Variants in SLC39A11 observed in about 807,000 individuals in gnomAD.
SLC39A11 encodes the protein solute carrier family 39 member 11.
A neutral mutation model predicts 36.1 loss-of-function variants in SLC39A11; 33 were observed. That is an observed-to-expected ratio of 0.91 (90% CI 0.69 to 1.22). The LOEUF (loss-of-function observed/expected upper bound fraction) is 1.22. Among genes scored for constraint, SLC39A11 ranks in the 50% most tolerant of loss-of-function variants. The pLI is 0.00. For missense variants in SLC39A11, 432 were observed against 430.3 expected, an observed-to-expected ratio of 1.00 and a Z score of -0.03; for synonymous variants, 166 against 170.3, an observed-to-expected ratio of 0.97 and a Z score of 0.20.
At chr17:72,671,427 T>A (rs1272553482) in intron 7 of SLC39A11, among the ~76,000 whole-genome samples, 1 of 152,182 alleles carries the variant, frequency 6.6e-6, no homozygotes, top group Non-Finnish European at 1.5e-5. Flanking sequence ...CATACAAAAA[T>A]AGCTATATTT....
At chr17:72,846,582 C>T (rs1244671995) in intron 6 of SLC39A11, among the ~76,000 whole-genome samples, 1 of 152,228 alleles carries the variant, frequency 6.6e-6, no homozygotes, top group Non-Finnish European at 1.5e-5. Context: ...TCCTGGCCTT[C>T]CATTGGGATG....
At chr17:72,699,270 C>A (rs1426820033) in intron 7 of SLC39A11, among the ~76,000 whole-genome samples, 1 of 152,154 alleles carries the variant, frequency 6.6e-6, no homozygotes, top group African/African-American at 2.4e-5. Flanking sequence ...AGCTGATGAG[C>A]TAAAATAAAA....
chr17:72,660,415 C>G (rs1226613572), intron 7 of SLC39A11, among the ~76,000 whole-genome samples: 3 of 152,190 alleles, frequency 2.0e-5, no homozygotes, highest in Non-Finnish European at 4.4e-5. Flanking sequence ...GCAGCTTTCA[C>G]CATTATTCCC....
intron 9 of SLC39A11, among the ~76,000 whole-genome samples, chr17:72,648,286 C>T (rs927701199): frequency 5.4e-5 from 8 of 147,740 alleles, no homozygotes; most frequent in African/African-American, 2.0e-4. Flanking sequence ...GCCGAGATCA[C>T]ACCACTGCAC....
At chr17:73,074,365 T>C (rs1457789153) in intron 3 of SLC39A11, among the ~76,000 whole-genome samples, 5 of 142,150 alleles carry the variant, frequency 3.5e-5, no homozygotes, top group Admixed American at 7.3e-5. Context: ...TGGTGCAATC[T>C]TGGCTCACTG....
At chr17:72,754,228 A>T (rs2075283425) in intron 6 of SLC39A11, among the ~76,000 whole-genome samples, 1 of 151,976 alleles carries the variant, frequency 6.6e-6, no homozygotes, top group Non-Finnish European at 1.5e-5. Flanking sequence ...TCTCACTCAT[A>T]AGTGGGAGCT....
chr17:72,876,450 G>T (rs2080900534), intron 5 of SLC39A11, among the ~76,000 whole-genome samples: 1 of 152,146 alleles, frequency 6.6e-6, no homozygotes, highest in African/African-American at 2.4e-5. Flanking sequence ...AGGCCTAATT[G>T]TTGCATGAAA....
At chr17:72,733,544 T>A (rs914991647) in intron 7 of SLC39A11, among the ~76,000 whole-genome samples, 2 of 152,048 alleles carry the variant, frequency 1.3e-5, no homozygotes, top group African/African-American at 4.8e-5. Flanking sequence ...TCTGGGAGAC[T>A]CCGGGCAGGC....
At chr17:72,736,406 T>C (rs1002100488) in intron 7 of SLC39A11, among the ~76,000 whole-genome samples, 1 of 152,238 alleles carries the variant, frequency 6.6e-6, no homozygotes. Context: ...CTTGCGATTC[T>C]ATCCATGCTT....
intron 7 of SLC39A11, among the ~76,000 whole-genome samples, chr17:72,662,610 G>GA (rs2070502789): frequency 8.1e-6 from 1 of 122,736 alleles, no homozygotes; most frequent in Non-Finnish European, 1.7e-5. Context: ...AAGGAAGGAA[G>GA]GAAGGAGAGA....
intron 7 of SLC39A11, among the ~76,000 whole-genome samples, chr17:72,668,818 T>C (rs2070868456): frequency 6.6e-6 from 1 of 152,192 alleles, no homozygotes; most frequent in Admixed American, 6.5e-5. Flanking sequence ...ATAGCAATGG[T>C]CTTCTACCCC....
At chr17:72,890,282 AAC>A (rs2081659531) in intron 5 of SLC39A11, among the ~76,000 whole-genome samples, 1 of 109,528 alleles carries the variant, frequency 9.1e-6, no homozygotes, top group African/African-American at 3.5e-5. Flanking sequence ...CAACAACAAC[AAC>A]AAAAAAAAAA....
intron 4 of SLC39A11, among the ~76,000 whole-genome samples, chr17:72,999,827 G>A (rs909849179): frequency 2.6e-5 from 4 of 152,128 alleles, no homozygotes; most frequent in African/African-American, 9.7e-5. Flanking sequence ...TGCAACCTCT[G>A]CCTCCCAAGT....
chr17:72,903,694 GA>G (rs1326052546), intron 5 of SLC39A11, among the ~76,000 whole-genome samples: 4 of 152,312 alleles, frequency 2.6e-5, no homozygotes, highest in Middle Eastern at 3.4e-3. Context: ...GGAGAGAGAA[GA>G]TAATGGAGGA....
intron 7 of SLC39A11, among the ~76,000 whole-genome samples, chr17:72,733,982 C>T (rs1446696013): frequency 6.6e-6 from 1 of 152,190 alleles, no homozygotes; most frequent in Non-Finnish European, 1.5e-5. Context: ...AGGCACAACA[C>T]TGGCCCCGAC....
intron 4 of SLC39A11, among the ~76,000 whole-genome samples, chr17:72,956,812 C>A (rs2086268720): frequency 6.6e-6 from 1 of 152,202 alleles, no homozygotes; most frequent in African/African-American, 2.4e-5. Flanking sequence ...GCCACAATTT[C>A]TCTTTCCTAA....
chr17:73,078,120 C>T (rs1335320585), intron 3 of SLC39A11, among the ~76,000 whole-genome samples: 1 of 151,938 alleles, frequency 6.6e-6, no homozygotes, highest in African/African-American at 2.4e-5. Flanking sequence ...CACCTGTAGT[C>T]CCAGCTACTC....
intron 6 of SLC39A11, among the ~76,000 whole-genome samples, chr17:72,776,934 G>A (rs936272451): frequency 2.0e-5 from 3 of 152,054 alleles, no homozygotes; most frequent in Admixed American, 6.6e-5. Context: ...GCTGACTTTC[G>A]CAGTTCATGG....
At chr17:72,834,997 T>A (rs950695051) in intron 6 of SLC39A11, among the ~76,000 whole-genome samples, 1 of 152,248 alleles carries the variant, frequency 6.6e-6, no homozygotes, top group African/African-American at 2.4e-5. Context: ...CCACTTTTAT[T>A]TGGGATCACG....
Sources: gnomAD v4.1 joint callset for allele counts (sites outside exome capture counted in the v4.1 genomes callset) on GRCh38, gnomAD v4.1.1 for gene constraint, MANE v1.5 for transcripts, NCBI Gene and HGNC (gene_info 2026-07-23, HGNC 2026-07-21) for gene names.